The following SREBF1 variants were observed in gnomAD, a reference collection of about 807,000 sequenced individuals.
SREBF1 encodes sterol regulatory element-binding protein 1.
In SREBF1, 45 loss-of-function variants were observed where a neutral mutation model predicts 100.1. The observed-to-expected ratio is 0.45, with a 90% CI of 0.35 to 0.58. SREBF1 has a LOEUF of 0.58. Ranked by LOEUF, SREBF1 falls within the 20% of genes least tolerant of loss-of-function variation. The pLI, the probability that SREBF1 is intolerant of heterozygous loss-of-function variation, is 0.00. For synonymous variants in SREBF1, 657 were observed against 681.8 expected (o/e 0.96, Z 0.57); for missense variants, 1,324 against 1,539.4 (o/e 0.86, Z 2.34).
chr17:17,830,470 G>C (rs1043927451), intron 1 of SREBF1, among the ~76,000 whole-genome samples: 6 of 152,260 alleles, frequency 3.9e-5, no homozygotes, highest in Admixed American at 2.6e-4. Context: ...TTAAGAACCT[G>C]AAGGTTCTTG....
At position 17,817,505 on chromosome 17, in the gene SREBF1, G is replaced by T; in HGVS notation, c.1405-48C>A. ...TGAGGGCAGAATCGGAGGGACCCCA[G>T]AGAGCATGGGGCTGGGAAGGGGGGG... On this transcript the variant is annotated intron_variant, in intron 7 of 18. Transcript: ENST00000261646. This position sits in a 1 kb window ranked among gnomAD's most constrained non-coding sequence, Gnocchi z 6.6. The T allele has an allele frequency of 6.4e-7, 1 of 1,551,184 alleles. No homozygotes were observed. Among genetic ancestry groups the T allele is most frequent in the Non-Finnish European group, 8.7e-7 (1 of 1,144,642 alleles).
At chr17:17,818,108 C>CTGAA in intron 6 of SREBF1, 152 bp downstream of exon 6, 1 of 745,066 alleles carries the variant, frequency 1.3e-6, no homozygotes, top group Admixed American at 2.3e-5. Flanking sequence ...GGGACTAGAG[C>CTGAA]TGAATGCAGG....
Position 17,814,281 on chromosome 17 carries a change from G to A in SREBF1, c.2865C>T (p.Ser955=). The part of the protein sequence containing the change: ...CEKASGYLQD[S]LATTPASSSI... ...AGCTGCTGGCTGGTGTGGTAGCCAG[G>A]CTGTCCTGCAGGTACCCACTGGCCT... The change falls in exon 16 of 19, where the codon AGC becomes AGT. Residue 955 remains serine (S), a synonymous_variant. Transcript: ENST00000261646. The A allele has an allele frequency of 6.2e-7, 1 of 1,604,978 alleles. No homozygotes were observed.
At chr17:17,836,690 C>T (rs765588636) in intron 1 of SREBF1, 37 bp downstream of exon 1, 1 of 1,536,672 alleles carries the variant, frequency 6.5e-7, no homozygotes, top group Admixed American at 2.0e-5. Context: ...ACTCGCGCCA[C>T]CCGGCGCAGC....
chr17:17,830,842 C>T (rs2034815616), intron 1 of SREBF1, among the ~76,000 whole-genome samples: 1 of 152,246 alleles, frequency 6.6e-6, no homozygotes, highest in South Asian at 2.1e-4. Flanking sequence ...CTGTGGAGCA[C>T]ATGGTGCAGG....
intron 6 of SREBF1, 169 bp downstream of exon 6, chr17:17,818,091 T>A: frequency 1.3e-6 from 1 of 764,408 alleles, no homozygotes; most frequent in Non-Finnish European, 2.1e-6. Flanking sequence ...GGACCAGAGG[T>A]AACCAAGGGA....
chr17:17,816,545 C>A lies in SREBF1; in HGVS notation c.1959G>T (p.Gln653His). ...CATCCACTCGCAGAGCACAGTCCTG[C>A]TGCAGGCCCCCTGCCCGGCCTGCCA... is the stretch of plus-strand genomic sequence containing the variant. ...RWLAGRAGGL[Q>H]QDCALRVDAS... The change falls in exon 10 of 19, where the codon CAG becomes CAT. Residue 653 changes from glutamine (Q) to histidine (H), a missense_variant. By Grantham distance (24) the Gln-to-His change is conservative. Coordinates refer to ENST00000261646, the MANE Select transcript of SREBF1 (RefSeq NM_004176.5). 1 of 1,602,866 alleles carries A rather than the reference C, an allele frequency of 6.2e-7. No individual in the cohort carries two copies. Among genetic ancestry groups the A allele is most frequent in the Non-Finnish European group, 8.5e-7 (1 of 1,175,834 alleles).
intron 16 of SREBF1, chr17:17,813,986 G>T: frequency 1.5e-6 from 1 of 666,040 alleles, no homozygotes; most frequent in Non-Finnish European, 2.6e-6. Context: ...CAGCCCTCCT[G>T]ATGCAGGGCC....
chr17:17,823,552 G>A, intron 1 of SREBF1: 1 of 1,613,466 alleles, frequency 6.2e-7, no homozygotes, highest in Non-Finnish European at 8.5e-7. Flanking sequence ...CGCGATCTGC[G>A]CCCGCCCTTG....
At chr17:17,816,185 C>CCCCACTCCCG in intron 11 of SREBF1, 22 bp downstream of exon 11, 1 of 28,782 alleles carries the variant, frequency 3.5e-5, no homozygotes, top group Non-Finnish European at 6.2e-5. Context: ...GGGATAAGCC[C>CCCCACTCCCG]CCAGCCCCCC....
intron 15 of SREBF1, 21 bp from the exon 16 acceptor site, chr17:17,814,431 G>A (rs1283961828): frequency 1.0e-5 from 16 of 1,551,368 alleles, no homozygotes; most frequent in Non-Finnish European, 1.4e-5. Flanking sequence ...CAGGGCAGAA[G>A]AGTGCCAGTC....
At chr17:17,827,600 G>A (rs1200179359) in intron 1 of SREBF1, among the ~76,000 whole-genome samples, 3 of 152,190 alleles carry the variant, frequency 2.0e-5, no homozygotes, top group African/African-American at 4.8e-5. Context: ...GGGGGCACAA[G>A]TGTGTGCCAG....
chr17:17,814,469 GC>G (rs2033320502), intron 15 of SREBF1, 59 bp from the exon 16 acceptor site: 2 of 1,544,236 alleles, frequency 1.3e-6, no homozygotes, highest in Non-Finnish European at 8.7e-7. Context: ...CTGGCTGAGT[GC>G]CCCCCACTTC....
Position 17,817,417 on chromosome 17 carries a change from A to G in SREBF1, c.1445T>C (p.Met482Thr). The G allele has an allele frequency of 6.3e-7, 1 of 1,597,298 alleles. No individual in the cohort carries two copies. Among genetic ancestry groups the G allele is most frequent in the Non-Finnish European group, 8.5e-7 (1 of 1,172,076 alleles). Residue 482 changes from methionine (M) to threonine (T), a missense_variant, in exon 8 of 19, where the codon ATG becomes ACG. By Grantham distance (81) the Met-to-Thr change is moderately conservative. Coordinates refer to ENST00000261646, the MANE Select transcript of SREBF1 (RefSeq NM_004176.5). This position sits in a 1 kb window ranked among gnomAD's most constrained non-coding sequence, Gnocchi z 6.6. ...CAGGGCCAGGCGGGAGCGGTCCAGC[A>G]TGCCCCGGCTGTGCAGAGACGGCCG... is the stretch of plus-strand genomic sequence containing the variant. ...EQRPSLHSRGMLDRSRLALCT... is the reference protein window; with the variant it reads ...EQRPSLHSRGTLDRSRLALCT...
chr17:17,829,215 T>A (rs1356361949), intron 1 of SREBF1, among the ~76,000 whole-genome samples: 2,955 of 40,754 alleles, frequency 0.073, 153 homozygotes, highest in Non-Finnish European at 0.11. Context: ...AATATATATA[T>A]ATATATATAT....
At chr17:17,828,431 G>A (rs2034623511) in intron 1 of SREBF1, among the ~76,000 whole-genome samples, 1 of 152,180 alleles carries the variant, frequency 6.6e-6, no homozygotes, top group Non-Finnish European at 1.5e-5. Flanking sequence ...ACAGGTGTGC[G>A]GAATTACCCT....
At chr17:17,822,965 C>T (rs1207399369) in intron 1 of SREBF1, among the ~76,000 whole-genome samples, 1 of 152,206 alleles carries the variant, frequency 6.6e-6, no homozygotes, top group Non-Finnish European at 1.5e-5. Context: ...GTGGACCCCC[C>T]AGGTCACAAG....
intron 16 of SREBF1, 69 bp from the exon 17 acceptor site, chr17:17,813,838 G>C: frequency 6.8e-7 from 1 of 1,463,902 alleles, no homozygotes; most frequent in South Asian, 1.2e-5. Flanking sequence ...GGGGGCCCGT[G>C]GTGCCAGGGG....
At chr17:17,814,521 C>A in intron 15 of SREBF1, 94 bp downstream of exon 15, 1 of 1,535,878 alleles carries the variant, frequency 6.5e-7, no homozygotes. Context: ...GGTGACTCCT[C>A]CTGCACAGAA....
Sources: allele counts gnomAD v4.1 joint callset (sites outside exome capture counted in the v4.1 genomes callset), GRCh38; gene constraint gnomAD v4.1.1; non-coding constraint Gnocchi (gnomAD v3.1); transcripts MANE v1.5; gene names NCBI Gene and HGNC (gene_info 2026-07-23, HGNC 2026-07-21).